PIBF1: variants seen among roughly 807,000 people sequenced by gnomAD.
PIBF1 encodes progesterone immunomodulatory binding factor 1, also known as progesterone-induced-blocking factor 1.
A neutral mutation model predicts 112.5 loss-of-function variants in PIBF1; 90 were observed. The observed-to-expected ratio is 0.80, with a 90% CI of 0.67 to 0.95. The LOEUF is 0.95. PIBF1 is among the 40% of genes least tolerant of loss of function. The probability of loss-of-function intolerance (pLI) is 0.00; values close to 1 mark genes in which losing one functional copy is unlikely to be tolerated. For missense variants in PIBF1, 915 were observed against 852.3 expected (o/e 1.07, Z -0.92); for synonymous variants, 301 against 288.6 (o/e 1.04, Z -0.44).
intron 6 of PIBF1, among the ~76,000 whole-genome samples, chr13:72,825,181 GA>G (rs912164655): frequency 1.3e-5 from 2 of 150,878 alleles, no homozygotes; most frequent in South Asian, 2.1e-4. Flanking sequence ...TTGGCTCAGG[GA>G]AAAAAAAATT....
chr13:72,858,107 A>C (rs1401833744), intron 10 of PIBF1, among the ~76,000 whole-genome samples: 1 of 151,022 alleles, frequency 6.6e-6, no homozygotes, highest in Non-Finnish European at 1.5e-5. Context: ...TCTGGAGTGC[A>C]GTGGCACAAT....
At chr13:72,798,360 T>C (rs1016557151) in intron 5 of PIBF1, among the ~76,000 whole-genome samples, 4 of 152,224 alleles carry the variant, frequency 2.6e-5, no homozygotes, top group Non-Finnish European at 5.9e-5. Context: ...TATTTAGTAA[T>C]TTGTCTCTAT....
intron 17 of PIBF1, among the ~76,000 whole-genome samples, chr13:73,011,573 A>G (rs1481635749): frequency 1.3e-5 from 2 of 152,128 alleles, no homozygotes; most frequent in Non-Finnish European, 2.9e-5. Flanking sequence ...TCAATACCCA[A>G]TCCAGCCCAC....
intron 5 of PIBF1, among the ~76,000 whole-genome samples, chr13:72,818,422 G>A (rs2036391011): frequency 6.6e-6 from 1 of 152,042 alleles, no homozygotes; most frequent in Non-Finnish European, 1.5e-5. Context: ...CTCATCTCTA[G>A]TGATTGCCTT....
chr13:72,936,534 G>T (rs1418524391), intron 14 of PIBF1, among the ~76,000 whole-genome samples: 2 of 152,160 alleles, frequency 1.3e-5, no homozygotes, highest in Non-Finnish European at 2.9e-5. Flanking sequence ...CTGAGTGGAA[G>T]ATATAGATTG....
At chr13:72,855,308 G>C (rs557834367) in intron 10 of PIBF1, among the ~76,000 whole-genome samples, 1 of 152,036 alleles carries the variant, frequency 6.6e-6, no homozygotes, top group African/African-American at 2.4e-5. Context: ...TATAAACTTG[G>C]CCTATGGAAG....
chr13:72,934,423 G>A (rs1367347553), intron 14 of PIBF1, among the ~76,000 whole-genome samples: 7 of 152,050 alleles, frequency 4.6e-5, no homozygotes, highest in African/African-American at 1.2e-4. Context: ...TCAGCCTCCC[G>A]AGTAGCTGGT....
rs553164608 is a variant in PIBF1, at chr13:72,990,735, C to T, written c.2050-8087C>T. 8.8e-4 allele frequency among the ~76,000 whole-genome samples: 133 copies of T among 151,618 alleles called. 2 individuals are homozygous for T. Among genetic ancestry groups the T allele is most frequent in the Non-Finnish European group, 9.6e-4 (65 of 67,934 alleles). On this transcript the variant is annotated intron_variant, in intron 16 of 17. Transcript: ENST00000326291. ...TGGTGGCACATGCCTGTAATCCCAG[C>T]TACTCAGGAGACTGAGGTAGGAGAA...
chr13:72,788,981 A>G (rs1438615669), intron 2 of PIBF1, among the ~76,000 whole-genome samples: 1 of 152,196 alleles, frequency 6.6e-6, no homozygotes, highest in Non-Finnish European at 1.5e-5. Flanking sequence ...AAACAGGAAC[A>G]AGCAGGTCCA....
intron 13 of PIBF1, among the ~76,000 whole-genome samples, chr13:72,927,007 T>A (rs2041506104): frequency 6.6e-6 from 1 of 152,188 alleles, no homozygotes; most frequent in Non-Finnish European, 1.5e-5. Context: ...TTTCTTCTAA[T>A]TCACCCTGCT....
Position 72,827,800 on chromosome 13 carries a change from T to C in PIBF1, c.983T>C (p.Met328Thr), listed in dbSNP as rs1366032242. The C allele has an allele frequency of 1.2e-6, 2 of 1,604,788 alleles. No individual in the cohort carries two copies. Among genetic ancestry groups the C allele is most frequent in the Non-Finnish European group, 1.7e-6 (2 of 1,175,708 alleles). ...AAAGAATATCTTAATCGCCAAAACA[T>C]GGAGCTTAGTGTTCGCTGTGCTCAT... Reference protein sequence around the residue: ...KDKEYLNRQNMELSVRCAHEE... With the variant: ...KDKEYLNRQNTELSVRCAHEE... Residue 328 changes from methionine to threonine, a missense_variant, in exon 8 of 18, where the codon ATG (methionine) becomes ACG (threonine). Transcript: ENST00000326291.
intron 6 of PIBF1, among the ~76,000 whole-genome samples, chr13:72,825,015 G>A (rs1179967944): frequency 1.3e-5 from 2 of 152,146 alleles, no homozygotes; most frequent in East Asian, 3.9e-4. Context: ...CTATGATGCA[G>A]CTAGCCTCTG....
rs114955976 is a variant in PIBF1 at position 72,857,063 on chromosome 13, G to A, written c.1322+2908G>A. Among the ~76,000 whole-genome samples the A allele has an allele frequency of 5.3e-3, 813 of 152,226 alleles. 15 individuals are homozygous for A. The highest frequency in any genetic ancestry group is 0.018 in the African/African-American group (763 of 41,544). Reference sequence around the variant, plus strand: ...AAGTTAAACTATGCATTTAATGTAAGCCAAATAGAATACCAAAAATATTTT... The same window carrying A: ...AAGTTAAACTATGCATTTAATGTAAACCAAATAGAATACCAAAAATATTTT... On this transcript the variant is annotated intron_variant, in intron 10 of 17. Coordinates refer to ENST00000326291, the MANE Select transcript of PIBF1 (RefSeq NM_006346.4).
chr13:72,947,347 G>A (rs1469596294), intron 14 of PIBF1, among the ~76,000 whole-genome samples: 1 of 152,198 alleles, frequency 6.6e-6, no homozygotes, highest in Non-Finnish European at 1.5e-5. Flanking sequence ...GCTGCATAGA[G>A]CAGGGGGGCC....
At chr13:72,884,147 A>G (rs1167755340) in intron 10 of PIBF1, among the ~76,000 whole-genome samples, 2 of 152,200 alleles carry the variant, frequency 1.3e-5, no homozygotes, top group Non-Finnish European at 2.9e-5. Context: ...TAAATTTTGT[A>G]TTAGCAGTTT....
chr13:72,991,287 A>G (rs892939733), intron 16 of PIBF1, among the ~76,000 whole-genome samples: 3 of 152,178 alleles, frequency 2.0e-5, no homozygotes, highest in Non-Finnish European at 4.4e-5. Flanking sequence ...AGTCGTCATC[A>G]TCATCATCAT....
At chr13:72,852,424 A>C (rs1286831814) in intron 9 of PIBF1, among the ~76,000 whole-genome samples, 2 of 152,056 alleles carry the variant, frequency 1.3e-5, no homozygotes, top group Non-Finnish European at 2.9e-5. Flanking sequence ...TGAACCCTGT[A>C]CTCACTGACT....
intron 15 of PIBF1, among the ~76,000 whole-genome samples, chr13:72,967,170 A>G (rs1331283495): frequency 2.6e-5 from 4 of 152,018 alleles, no homozygotes; most frequent in Non-Finnish European, 5.9e-5. Context: ...TCCTGACCTC[A>G]TGATCTGCCC....
At position 72,990,398 on chromosome 13, in the gene PIBF1, G is replaced by A. The variant is rs144128896; in HGVS notation, c.2050-8424G>A. On this transcript the variant is annotated intron_variant, in intron 16 of 17. Transcript: ENST00000326291. ...TAGCCAGGTATGGTGGTGTGCACCT[G>A]TAGTCCCAGCTACTCAGGAGGCTGA... Among the ~76,000 whole-genome samples the A allele has an allele frequency of 6.8e-3, 1,031 of 151,300 alleles. 21 individuals carry two copies. The highest frequency in any genetic ancestry group is 0.024 in the African/African-American group (970 of 41,174).
Sources: allele counts gnomAD v4.1 joint callset (sites outside exome capture counted in the v4.1 genomes callset), GRCh38; gene constraint gnomAD v4.1.1; transcripts MANE v1.5; gene names NCBI Gene and HGNC (gene_info 2026-07-23, HGNC 2026-07-21).